Variants in ERBB4 observed in about 807,000 individuals in gnomAD.
ERBB4 encodes the protein erb-b2 receptor tyrosine kinase 4.
A neutral mutation model predicts 158.0 loss-of-function variants in ERBB4; 42 were observed. The observed-to-expected ratio is 0.27, with a 90% CI of 0.21 to 0.34. The LOEUF is 0.34. ERBB4 is among the 10% of genes least tolerant of loss of function. The pLI is 1.00. For synonymous variants in ERBB4, 583 were observed against 558.7 expected (o/e 1.04, Z -0.61); for missense variants, 1,333 against 1,624.1 (o/e 0.82, Z 3.08).
At chr2:211,913,348 C>T (rs1021225155) in intron 3 of ERBB4, among the ~76,000 whole-genome samples, 2 of 152,028 alleles carry the variant, frequency 1.3e-5, no homozygotes, top group African/African-American at 2.4e-5. Context: ...ACCTGTAATC[C>T]AAGCACTTTG....
intron 1 of ERBB4, among the ~76,000 whole-genome samples, chr2:212,440,176 T>G (rs188426948): frequency 6.6e-6 from 1 of 152,356 alleles, no homozygotes; most frequent in East Asian, 1.9e-4. Context: ...TATAAAGTAT[T>G]GATCCTGGGT....
At chr2:212,510,490 G>C (rs1043309886) in intron 1 of ERBB4, among the ~76,000 whole-genome samples, 1 of 151,778 alleles carries the variant, frequency 6.6e-6, no homozygotes, top group Non-Finnish European at 1.5e-5. Flanking sequence ...TTTGGCTAAA[G>C]GGTTTTCCAT....
intron 19 of ERBB4, among the ~76,000 whole-genome samples, chr2:211,580,441 ATGAGATACCACCTTACTCCTACAAGAAT>A (rs2068032914): frequency 6.6e-6 from 1 of 152,074 alleles, no homozygotes; most frequent in Admixed American, 6.6e-5. Context: ...CAAAAGCACA[ATGAGATACCACCTTACTCCTACAAGAAT>A]GGCCATAATC....
At chr2:211,422,214 A>G in intron 23 of ERBB4, 110 bp from the exon 24 acceptor site, 1 of 727,226 alleles carries the variant, frequency 1.4e-6, no homozygotes. Context: ...TTTTAATCGT[A>G]ATGATCTGAG....
chr2:212,351,114 A>G (rs898926615), intron 1 of ERBB4, among the ~76,000 whole-genome samples: 4 of 152,148 alleles, frequency 2.6e-5, no homozygotes, highest in Non-Finnish European at 5.9e-5. Flanking sequence ...GGAGCCTTTA[A>G]AGAGGTGATT....
intron 2 of ERBB4, among the ~76,000 whole-genome samples, chr2:211,956,483 T>C (rs1171277855): frequency 1.3e-5 from 2 of 152,086 alleles, no homozygotes; most frequent in Non-Finnish European, 2.9e-5. Flanking sequence ...ATTTGGGTTC[T>C]GTAGTCTCAC....
intron 16 of ERBB4, among the ~76,000 whole-genome samples, chr2:211,642,589 G>A (rs747378360): frequency 2.6e-5 from 4 of 151,986 alleles, no homozygotes; most frequent in Non-Finnish European, 5.9e-5. Context: ...TAAAATAAAA[G>A]AATTTCTATT....
At chr2:212,458,341 G>T (rs1308802008) in intron 1 of ERBB4, among the ~76,000 whole-genome samples, 1 of 152,024 alleles carries the variant, frequency 6.6e-6, no homozygotes, top group Non-Finnish European at 1.5e-5. Flanking sequence ...GGCTCTGAAA[G>T]ATATATAGAA....
intron 3 of ERBB4, among the ~76,000 whole-genome samples, chr2:211,794,290 T>A (rs1027940787): frequency 2.6e-5 from 4 of 151,920 alleles, no homozygotes; most frequent in Non-Finnish European, 4.4e-5. Flanking sequence ...GTTCTTAGAG[T>A]TCCCCCTTCC....
At chr2:211,719,868 GAAAAAA>G (rs56887696) in intron 7 of ERBB4, among the ~76,000 whole-genome samples, 1 of 76,748 alleles carries the variant, frequency 1.3e-5, no homozygotes. Flanking sequence ...ACAAAGAAAA[GAAAAAA>G]AAAAAAAAAA....
At chr2:212,196,336 C>T (rs2082425767) in intron 1 of ERBB4, among the ~76,000 whole-genome samples, 1 of 151,978 alleles carries the variant, frequency 6.6e-6, no homozygotes, top group Admixed American at 6.6e-5. Context: ...TTATAACGGT[C>T]TTCATTCTCA....
chr2:211,776,593 C>G (rs1279401603), intron 4 of ERBB4, among the ~76,000 whole-genome samples: 1 of 152,168 alleles, frequency 6.6e-6, no homozygotes, highest in Non-Finnish European at 1.5e-5. Flanking sequence ...TAGACATTTT[C>G]ACTGTCTTGC....
chr2:212,215,213 A>G (rs1521659), intron 1 of ERBB4, among the ~76,000 whole-genome samples: 84,055 of 151,178 alleles, frequency 0.56, 23,586 homozygotes, highest in East Asian at 0.77. Flanking sequence ...GATTTGAACA[A>G]TCTTCTGTCC....
intron 3 of ERBB4, among the ~76,000 whole-genome samples, chr2:211,836,604 C>T (rs1351814339): frequency 3.9e-5 from 6 of 151,976 alleles, no homozygotes; most frequent in African/African-American, 9.7e-5. Flanking sequence ...GCACAACAAT[C>T]GAAGGACAAT....
chr2:211,950,845 T>G (rs186644542), intron 2 of ERBB4, among the ~76,000 whole-genome samples: 178 of 152,220 alleles, frequency 1.2e-3, no homozygotes, highest in African/African-American at 3.7e-3. Context: ...TTGCACCGCG[T>G]GGAAAAGTCT....
intron 1 of ERBB4, among the ~76,000 whole-genome samples, chr2:212,499,798 T>G (rs1036291217): frequency 6.6e-6 from 1 of 152,052 alleles, no homozygotes; most frequent in Non-Finnish European, 1.5e-5. Flanking sequence ...AAGTTAAAAG[T>G]GATGGGACAC....
At chr2:211,656,375 C>T (rs1447564076) in intron 16 of ERBB4, among the ~76,000 whole-genome samples, 1 of 152,152 alleles carries the variant, frequency 6.6e-6, no homozygotes, top group East Asian at 1.9e-4. Flanking sequence ...TTAGTACTAC[C>T]TTCTCTCTCC....
rs143317852 is a variant in ERBB4, at chr2:212,374,819, C to A, written c.82+163630G>T. 1.2e-4 allele frequency among the ~76,000 whole-genome samples: 18 copies of A among 151,950 alleles called. 1 individual carries two copies. The South Asian group carries it at 2.1e-3, about 18-fold the overall frequency. ...AATTTTCTTTAGTCACTGATTTACT[C>A]TGTGGCACAATCATAGCAGATAGTG... On this transcript the variant is annotated intron_variant, in intron 1 of 27. Transcript: ENST00000342788.
intron 1 of ERBB4, among the ~76,000 whole-genome samples, chr2:212,188,790 G>T (rs1318170417): frequency 1.3e-5 from 2 of 151,410 alleles, no homozygotes; most frequent in African/African-American, 4.9e-5. Context: ...GGTGAATATT[G>T]TCTGACATAG....
Sources: gnomAD v4.1 joint callset for allele counts (sites outside exome capture counted in the v4.1 genomes callset) on GRCh38, gnomAD v4.1.1 for gene constraint, MANE v1.5 for transcripts, NCBI Gene and HGNC (gene_info 2026-07-23, HGNC 2026-07-21) for gene names.